The following KCNIP4 variants were observed in gnomAD, a reference collection of about 807,000 sequenced individuals.
KCNIP4 encodes potassium voltage-gated channel interacting protein 4, also known as Kv channel-interacting protein 4.
A neutral mutation model predicts 34.0 loss-of-function variants in KCNIP4; 12 were observed. The ratio of observed to expected loss-of-function variants is 0.35; its 90% CI spans 0.23 to 0.57. KCNIP4 has a LOEUF of 0.57. Among genes scored for constraint, KCNIP4 ranks in the 20% least tolerant of loss-of-function variants. The pLI is 0.83. For synonymous variants in KCNIP4, 124 were observed against 102.2 expected (o/e 1.21, Z -1.29); for missense variants, 238 against 311.7 (o/e 0.76, Z 1.78).
At chr4:21,054,546 G>T (rs1389577066) in intron 1 of KCNIP4, among the ~76,000 whole-genome samples, 1 of 150,298 alleles carries the variant, frequency 6.7e-6, no homozygotes, top group East Asian at 1.9e-4. Flanking sequence ...AATAGACAAA[G>T]AGGTGAATGG....
intron 1 of KCNIP4, among the ~76,000 whole-genome samples, chr4:20,998,851 C>CT: frequency 6.6e-6 from 1 of 152,154 alleles, no homozygotes; most frequent in Non-Finnish European, 1.5e-5. Flanking sequence ...AGTTCTTATG[C>CT]TTTTTTATTC....
At chr4:21,541,977 A>C (rs1737737916) in intron 1 of KCNIP4, among the ~76,000 whole-genome samples, 1 of 152,194 alleles carries the variant, frequency 6.6e-6, no homozygotes, top group African/African-American at 2.4e-5. Flanking sequence ...AGATAGTTTA[A>C]CTATAATTAG....
chr4:21,489,229 G>A (rs1455654632), intron 1 of KCNIP4, among the ~76,000 whole-genome samples: 1 of 149,726 alleles, frequency 6.7e-6, no homozygotes, highest in Non-Finnish European at 1.5e-5. Flanking sequence ...TTGGCAATGA[G>A]TGATAACTCA....
At position 21,192,948 on chromosome 4, in the gene KCNIP4, ACT is replaced by A. The variant is rs1491130928; in HGVS notation, c.62-310241_62-310240del. ...TACTACTACTACTACTACTACTACT[ACT>A]ACTAATAATAATAATAATTAGTTGG... On this transcript the variant is annotated intron_variant, in intron 1 of 8. Transcript: ENST00000382152. Among the ~76,000 whole-genome samples the A allele has an allele frequency of 4.0e-3, 584 of 146,164 alleles. 3 individuals are homozygous for A. Among genetic ancestry groups the A allele is most frequent in the African/African-American group, 0.014 (535 of 39,288 alleles).
chr4:20,865,166 T>C (rs570350294), intron 2 of KCNIP4, among the ~76,000 whole-genome samples: 1 of 152,076 alleles, frequency 6.6e-6, no homozygotes, highest in Non-Finnish European at 1.5e-5. Context: ...AATAGGACGT[T>C]ATGGAGTCAG....
intron 1 of KCNIP4, among the ~76,000 whole-genome samples, chr4:21,147,270 A>G (rs143089205): frequency 1.2e-4 from 18 of 152,102 alleles, no homozygotes; most frequent in African/African-American, 4.3e-4. Context: ...CTGGGTTCCA[A>G]TAACTTCCCT....
chr4:21,902,494 A>T (rs1474437007), intron 1 of KCNIP4, among the ~76,000 whole-genome samples: 1 of 152,072 alleles, frequency 6.6e-6, no homozygotes, highest in Non-Finnish European at 1.5e-5. Flanking sequence ...GTAAGATGAG[A>T]TGTTCACAGA....
rs1491436691 is a variant in KCNIP4 at position 21,065,765 on chromosome 4, TAA to T, written c.62-183058_62-183057del. ...ATATATATATATATATATATATATA[TAA>T]CTCAATTTTATTTTAAAAAATAGTA... On this transcript the variant is annotated intron_variant, in intron 1 of 8. Transcript: ENST00000382152. 4.5e-3 allele frequency among the ~76,000 whole-genome samples: 517 copies of T among 114,772 alleles called. 1 individual carries two copies. Among genetic ancestry groups the T allele is most frequent in the African/African-American group, 9.9e-3 (316 of 31,794 alleles). 75.3% of individuals were successfully genotyped at this position (114,772 alleles called of 152,430 possible).
intron 1 of KCNIP4, among the ~76,000 whole-genome samples, chr4:20,938,780 CT>C (rs1395218821): frequency 6.6e-6 from 1 of 152,166 alleles, no homozygotes; most frequent in African/African-American, 2.4e-5. Flanking sequence ...CTTTCTATTG[CT>C]TATTTTTACT....
intron 1 of KCNIP4, among the ~76,000 whole-genome samples, chr4:20,926,230 A>G (rs967243126): frequency 2.0e-5 from 3 of 152,190 alleles, no homozygotes; most frequent in African/African-American, 7.2e-5. Flanking sequence ...AGGCTCTTCT[A>G]CACAACGCCT....
chr4:21,165,561 T>C (rs1753571071), intron 1 of KCNIP4, among the ~76,000 whole-genome samples: 1 of 150,132 alleles, frequency 6.7e-6, no homozygotes, highest in Admixed American at 6.7e-5. Context: ...TCAAAATGCA[T>C]CATAGATCTA....
chr4:21,255,856 C>A (rs1051188251), intron 1 of KCNIP4, among the ~76,000 whole-genome samples: 2 of 152,050 alleles, frequency 1.3e-5, no homozygotes, highest in African/African-American at 4.8e-5. Context: ...GACAATAACC[C>A]GGATGCTTTA....
rs545768282 is a variant in KCNIP4 at position 20,937,088 on chromosome 4, C to T, written c.62-54379G>A. Among the ~76,000 whole-genome samples, 11 of 152,210 alleles carry T rather than the reference C, an allele frequency of 7.2e-5. No homozygotes were observed. The East Asian group carries it at 9.7e-4, about 13-fold the overall frequency. On this transcript the variant is annotated intron_variant, in intron 1 of 8. Coordinates refer to ENST00000382152, the MANE Select transcript of KCNIP4 (RefSeq NM_025221.6). Reference sequence around the variant, plus strand: ...GTAGAAGCCTCCTTAGGAAAAAGAGCTGGCTTTTGGTGCTGAAACACCTGC... The same window carrying T: ...GTAGAAGCCTCCTTAGGAAAAAGAGTTGGCTTTTGGTGCTGAAACACCTGC...
intron 1 of KCNIP4, among the ~76,000 whole-genome samples, chr4:21,379,069 GA>G (rs1481127258): frequency 6.6e-6 from 1 of 152,094 alleles, no homozygotes; most frequent in Non-Finnish European, 1.5e-5. Flanking sequence ...CATACTGTGA[GA>G]TTTTTTTCTT....
At chr4:21,420,146 C>T (rs978144643) in intron 1 of KCNIP4, among the ~76,000 whole-genome samples, 6 of 152,014 alleles carry the variant, frequency 3.9e-5, no homozygotes, top group African/African-American at 1.4e-4. Flanking sequence ...GTCCTAAGTT[C>T]CACTGAAAAA....
chr4:21,657,082 A>T (rs1748018904), intron 1 of KCNIP4, among the ~76,000 whole-genome samples: 1 of 152,210 alleles, frequency 6.6e-6, no homozygotes, highest in Admixed American at 6.5e-5. Flanking sequence ...AATGTCAGCT[A>T]GTGTGATGAA....
chr4:21,478,618 G>C (rs769667111), intron 1 of KCNIP4, among the ~76,000 whole-genome samples: 1 of 152,094 alleles, frequency 6.6e-6, no homozygotes, highest in East Asian at 1.9e-4. Flanking sequence ...TACTTTCCCC[G>C]TAAGACCTTG....
chr4:21,728,337 T>C (rs1347111608), intron 1 of KCNIP4, among the ~76,000 whole-genome samples: 1 of 152,140 alleles, frequency 6.6e-6, no homozygotes, highest in African/African-American at 2.4e-5. Context: ...GGCGTTTTCC[T>C]CCCACTCCAC....
intron 1 of KCNIP4, among the ~76,000 whole-genome samples, chr4:21,539,055 G>A (rs1027144704): frequency 6.6e-6 from 1 of 152,064 alleles, no homozygotes; most frequent in Non-Finnish European, 1.5e-5. Flanking sequence ...GCTCTCTCTC[G>A]CTCCTGCCGC....
Sources: allele counts gnomAD v4.1 joint callset (sites outside exome capture counted in the v4.1 genomes callset), GRCh38; gene constraint gnomAD v4.1.1; transcripts MANE v1.5; gene names NCBI Gene and HGNC (gene_info 2026-07-23, HGNC 2026-07-21).